Variants in EPS15L1 observed in about 807,000 individuals in gnomAD.
The protein encoded by EPS15L1 is epidermal growth factor receptor substrate 15-like 1.
In EPS15L1, 43 loss-of-function variants were observed where a neutral mutation model predicts 117.1. That is an observed-to-expected ratio of 0.37 (90% CI 0.29 to 0.47). EPS15L1 has a LOEUF of 0.47. EPS15L1 is among the 20% of genes least tolerant of loss of function. The probability of loss-of-function intolerance (pLI) is 0.99; values close to 1 mark genes in which losing one functional copy is unlikely to be tolerated. For synonymous variants in EPS15L1, 459 were observed against 470.5 expected (o/e 0.98, Z 0.32); for missense variants, 981 against 1,164.0 (o/e 0.84, Z 2.29).
At chr19:16,380,954 G>A (rs972686692) in intron 21 of EPS15L1, among the ~76,000 whole-genome samples, 4 of 152,148 alleles carry the variant, frequency 2.6e-5, no homozygotes, top group Admixed American at 6.5e-5. Flanking sequence ...GAGGTTGCTC[G>A]GCCCAGTCAG....
intron 23 of EPS15L1, among the ~76,000 whole-genome samples, chr19:16,361,258 T>TA (rs68004226): frequency 0.89 from 133,089 of 148,948 alleles, 59,875 homozygotes; most frequent in Non-Finnish European, 0.95. Flanking sequence ...TTAAAAGCTT[T>TA]AAAAAAAAAA....
intron 8 of EPS15L1, among the ~76,000 whole-genome samples, chr19:16,425,520 G>A (rs997537317): frequency 6.6e-6 from 1 of 152,146 alleles, no homozygotes; most frequent in African/African-American, 2.4e-5. Context: ...ATTATTCCTC[G>A]AGACTGAAAT....
intron 22 of EPS15L1, among the ~76,000 whole-genome samples, chr19:16,369,458 G>A (rs1459850642): frequency 6.6e-6 from 1 of 152,218 alleles, no homozygotes; most frequent in East Asian, 1.9e-4. Context: ...TGTGAGGTGT[G>A]TGAGGTGGGC....
intron 22 of EPS15L1, among the ~76,000 whole-genome samples, chr19:16,362,714 TG>T (rs2092074857): frequency 6.6e-6 from 1 of 152,018 alleles, no homozygotes; most frequent in South Asian, 2.1e-4. Context: ...TTTGCCATGT[TG>T]CCCAGGCTAG....
chr19:16,403,311 G>A (rs1484430509), intron 15 of EPS15L1, among the ~76,000 whole-genome samples: 3 of 152,202 alleles, frequency 2.0e-5, no homozygotes, highest in African/African-American at 7.2e-5. Flanking sequence ...GATGCTCCAG[G>A]GTGGCGCCTC....
intron 13 of EPS15L1, chr19:16,412,800 T>A (rs1254567565): frequency 2.4e-6 from 1 of 416,398 alleles, no homozygotes; most frequent in African/African-American, 2.2e-5. Flanking sequence ...GGGGCTGGGG[T>A]CGCGGCCGTG....
intron 1 of EPS15L1, among the ~76,000 whole-genome samples, chr19:16,444,723 A>T (rs1002855189): frequency 1.0e-4 from 15 of 148,742 alleles, no homozygotes; most frequent in Non-Finnish European, 1.5e-4. Context: ...ACATTTCCAG[A>T]CAAGTTTTTT....
At chr19:16,428,828 C>T (rs567980295) in intron 7 of EPS15L1, 67 bp from the exon 8 acceptor site, 14 of 1,289,108 alleles carry the variant, frequency 1.1e-5, no homozygotes, top group Middle Eastern at 1.8e-4. Flanking sequence ...GACCACCTGC[C>T]GGAACTCAGA....
At chr19:16,399,265 C>T (rs916155533) in intron 16 of EPS15L1, among the ~76,000 whole-genome samples, 16 of 152,114 alleles carry the variant, frequency 1.1e-4, no homozygotes, top group African/African-American at 2.4e-4. Context: ...GAGTGGGAAA[C>T]GAGATTTCCC....
intron 1 of EPS15L1, among the ~76,000 whole-genome samples, chr19:16,464,979 T>G (rs895233021): frequency 6.6e-6 from 1 of 151,448 alleles, no homozygotes; most frequent in Non-Finnish European, 1.5e-5. Flanking sequence ...CGCAGGAGGC[T>G]GAGGCAGTAG....
chr19:16,375,538 G>T (rs529498767), intron 22 of EPS15L1, among the ~76,000 whole-genome samples: 1 of 152,092 alleles, frequency 6.6e-6, no homozygotes. Flanking sequence ...GCCCACTGCC[G>T]TTCCATCAGG....
intron 7 of EPS15L1, among the ~76,000 whole-genome samples, chr19:16,433,962 C>CATAAATAAATAAATAAATAAATAA (rs56900530): frequency 2.7e-5 from 4 of 148,868 alleles, no homozygotes; most frequent in Non-Finnish European, 4.4e-5. Flanking sequence ...GACTCCATCT[C>CATAAATAAATAAATAAATAAATAA]ATAAATAAAT....
intron 23 of EPS15L1, among the ~76,000 whole-genome samples, chr19:16,358,786 T>C (rs902991806): frequency 3.3e-5 from 5 of 152,220 alleles, no homozygotes; most frequent in African/African-American, 1.2e-4. Context: ...TTCATTCATT[T>C]ACCGACAATG....
intron 15 of EPS15L1, among the ~76,000 whole-genome samples, chr19:16,403,242 A>C (rs936797715): frequency 6.6e-6 from 1 of 152,088 alleles, no homozygotes; most frequent in Admixed American, 6.5e-5. Context: ...CCCCCCCTGG[A>C]CTGGGAAGAG....
At chr19:16,415,177 T>A (rs151080568) in intron 12 of EPS15L1, among the ~76,000 whole-genome samples, 1 of 152,282 alleles carries the variant, frequency 6.6e-6, no homozygotes, top group Non-Finnish European at 1.5e-5. Context: ...CCTTTGCTCC[T>A]TTTGCCCTGT....
intron 23 of EPS15L1, among the ~76,000 whole-genome samples, chr19:16,359,477 C>A (rs2092023532): frequency 1.3e-5 from 2 of 152,204 alleles, no homozygotes; most frequent in African/African-American, 4.8e-5. Context: ...TGTCTTCACT[C>A]AACCCATCCC....
chr19:16,436,678 T>C, intron 6 of EPS15L1: 1 of 416,346 alleles, frequency 2.4e-6, no homozygotes, highest in Non-Finnish European at 4.3e-6. Flanking sequence ...ATAATCCAAC[T>C]CCTGACACTT....
chr19:16,407,614 C>T (rs893100245), intron 13 of EPS15L1, among the ~76,000 whole-genome samples: 4 of 152,210 alleles, frequency 2.6e-5, no homozygotes, highest in African/African-American at 9.7e-5. Context: ...GTGTGAGCCA[C>T]CATGCCTGGC....
chr19:16,430,065 C>T (rs965632872), intron 7 of EPS15L1, among the ~76,000 whole-genome samples: 3 of 152,254 alleles, frequency 2.0e-5, no homozygotes, highest in African/African-American at 7.2e-5. Context: ...GTGGCCCTAA[C>T]TGGCATGCCA....
Sources: gnomAD v4.1 joint callset for allele counts (sites outside exome capture counted in the v4.1 genomes callset) on GRCh38, gnomAD v4.1.1 for gene constraint, MANE v1.5 for transcripts, NCBI Gene and HGNC (gene_info 2026-07-23, HGNC 2026-07-21) for gene names.